Variants in TSGA10IP observed in about 807,000 individuals in gnomAD.
TSGA10IP encodes testis specific 10 interacting protein.
In TSGA10IP, 64 loss-of-function variants were observed where a neutral mutation model predicts 63.2. That is an observed-to-expected ratio of 1.01 (90% confidence interval 0.83 to 1.25). The LOEUF is 1.25. Among genes scored for constraint, TSGA10IP ranks in the 50% most tolerant of loss-of-function variants. TSGA10IP has a pLI of 0.00. For synonymous variants in TSGA10IP, 316 were observed against 298.3 expected (o/e 1.06, Z -0.61); for missense variants, 681 against 710.1 (o/e 0.96, Z 0.47).
intron 5 of TSGA10IP, among the ~76,000 whole-genome samples, chr11:65,957,710 A>G (rs1475950418): frequency 6.6e-6 from 1 of 152,152 alleles, no homozygotes; most frequent in Non-Finnish European, 1.5e-5. Context: ...AGGTCCCAGT[A>G]CAGGTCTTGG....
At chr11:65,948,238 A>C in intron 4 of TSGA10IP, 90 bp downstream of exon 4, 2 of 1,430,350 alleles carry the variant, frequency 1.4e-6, no homozygotes, top group Non-Finnish European at 1.9e-6. Flanking sequence ...TTGAACTCTC[A>C]TTCATTTCTT....
intron 5 of TSGA10IP, among the ~76,000 whole-genome samples, chr11:65,956,135 CTTT>C (rs1357746313): frequency 9.2e-6 from 1 of 109,142 alleles, no homozygotes; most frequent in Non-Finnish European, 2.0e-5. Flanking sequence ...GAGGCTCAGT[CTTT>C]TTTTTTTTTT....
chr11:65,945,677 TGG>T lies in TSGA10IP; in HGVS notation c.5_6del (p.Gly2?). ...GGTGCGGATGGGGGATGGGGCAGGA[TGG>T]GGCAGGACACCGATATGCTAAATAC... On this transcript the variant is annotated frameshift_variant and start_lost, in exon 1 of 8. Coordinates refer to ENST00000532620, the Ensembl canonical transcript of TSGA10IP. LOFTEE classifies it high-confidence loss of function. 2 of 1,612,774 alleles carry T rather than the reference TGG, an allele frequency of 1.2e-6. No individual in the cohort carries two copies. The highest frequency in any genetic ancestry group is 1.7e-6 in the Non-Finnish European group (2 of 1,179,542).
intron 4 of TSGA10IP, among the ~76,000 whole-genome samples, chr11:65,949,605 C>T (rs1037397698): frequency 2.0e-5 from 3 of 151,466 alleles, no homozygotes; most frequent in Admixed American, 6.6e-5. Context: ...TTAGTACAGA[C>T]GGGGTTTTAC....
intron 5 of TSGA10IP, among the ~76,000 whole-genome samples, chr11:65,954,818 C>CAAAA (rs35841625): frequency 2.7e-5 from 2 of 72,876 alleles, no homozygotes; most frequent in Non-Finnish European, 3.2e-5. Context: ...AACTCCATCT[C>CAAAA]AAAAAAAAAA....
chr11:65,958,999 G>T lies in TSGA10IP; in HGVS notation c.1422+17G>T. On this transcript the variant is annotated intron_variant, in intron 6 of 7. Coordinates refer to ENST00000532620, the Ensembl canonical transcript of TSGA10IP. ...GCTATGCAGGTGAGGCTGGCACCTG[G>T]GCAAGCACATAGCTGCCCCCTGTGA... The T allele has an allele frequency of 6.2e-7, 1 of 1,611,768 alleles. No individual in the cohort carries two copies. Among genetic ancestry groups the T allele is most frequent in the Non-Finnish European group, 8.5e-7 (1 of 1,179,130 alleles).
chr11:65,951,932 C>T (rs906582698), intron 4 of TSGA10IP, among the ~76,000 whole-genome samples: 1 of 150,408 alleles, frequency 6.6e-6, no homozygotes, highest in Admixed American at 6.6e-5. Context: ...TCACTGCAAC[C>T]TCCCCCTCCC....
intron 5 of TSGA10IP, among the ~76,000 whole-genome samples, chr11:65,954,933 T>C (rs1178023300): frequency 6.6e-6 from 1 of 152,038 alleles, no homozygotes; most frequent in Non-Finnish European, 1.5e-5. Flanking sequence ...AAAATACTGG[T>C]GAGGTCAGGT....
At chr11:65,959,166 G>A (rs1855075139) in intron 6 of TSGA10IP, 24 bp from the exon 7 acceptor site, 7 of 1,598,044 alleles carry the variant, frequency 4.4e-6, no homozygotes, top group Non-Finnish European at 6.0e-6. Context: ...GTGCAGAGCA[G>A]GAAGCCGTCT....
chr11:65,946,891 G>A (rs1854844690), exon 2 of TSGA10IP: 5 of 1,613,706 alleles, frequency 3.1e-6, no homozygotes, highest in Non-Finnish European at 4.2e-6. Context: ...GCTGCCTGGG[G>A]AGTGGTGATG....
In TSGA10IP at chr11:65,947,996, G is replaced by A. The variant is rs1192505680; in HGVS notation, c.1004-5G>A. The A allele has an allele frequency of 2.6e-6, 4 of 1,557,274 alleles. No homozygotes were observed. The highest frequency in any genetic ancestry group is 3.5e-6 in the Non-Finnish European group (4 of 1,150,356). ...CAGCCCCTGACTTGGTCCCACTGTG[G>A]GCAGGCCCCCAAAAGCTGCCCTGGA... On this transcript the variant is annotated splice_polypyrimidine_tract_variant and splice_region_variant and intron_variant, in intron 3 of 7. Transcript: ENST00000532620.
exon 1 of TSGA10IP, chr11:65,945,736 C>G (rs9795469): frequency 6.2e-7 from 1 of 1,611,474 alleles, no homozygotes; most frequent in African/African-American, 1.4e-5. Context: ...CCCGTCGGTG[C>G]GACCAGGGCA....
chr11:65,949,221 T>G (rs1488592094), intron 4 of TSGA10IP, among the ~76,000 whole-genome samples: 1 of 151,696 alleles, frequency 6.6e-6, no homozygotes, highest in Non-Finnish European at 1.5e-5. Context: ...AAGGAGACAG[T>G]GGGAGCTGAA....
chr11:65,950,609 C>A (rs935880105), intron 4 of TSGA10IP, among the ~76,000 whole-genome samples: 1 of 151,140 alleles, frequency 6.6e-6, no homozygotes, highest in African/African-American at 2.4e-5. Flanking sequence ...GTTGCCCAGG[C>A]TGGAGTGCAG....
At chr11:65,954,327 G>A (rs866328092) in intron 5 of TSGA10IP, among the ~76,000 whole-genome samples, 10 of 138,446 alleles carry the variant, frequency 7.2e-5, no homozygotes, top group East Asian at 4.6e-4. Flanking sequence ...CACCACGCCC[G>A]GCTAATTTTT....
chr11:65,948,950 G>A (rs1480267796), intron 4 of TSGA10IP, among the ~76,000 whole-genome samples: 1 of 151,564 alleles, frequency 6.6e-6, no homozygotes, highest in Non-Finnish European at 1.5e-5. Flanking sequence ...ACTCCAGCCT[G>A]GGTGACAGAG....
intron 5 of TSGA10IP, among the ~76,000 whole-genome samples, chr11:65,955,255 G>C (rs1362564104): frequency 6.6e-6 from 1 of 151,896 alleles, no homozygotes; most frequent in Non-Finnish European, 1.5e-5. Flanking sequence ...GGCTGTGCTA[G>C]GTATGAGGGA....
At chr11:65,947,089 C>G in intron 2 of TSGA10IP, 21 bp from the exon 3 acceptor site, 1 of 1,609,348 alleles carries the variant, frequency 6.2e-7, no homozygotes, top group Non-Finnish European at 8.5e-7. Context: ...CGACCCTGAC[C>G]CCCACCCTTT....
At chr11:65,956,432 C>T (rs538538873) in intron 5 of TSGA10IP, among the ~76,000 whole-genome samples, 34 of 152,156 alleles carry the variant, frequency 2.2e-4, no homozygotes, top group African/African-American at 7.2e-4. Flanking sequence ...CCACCGCGCC[C>T]GGCCGAGGCT....
Sources: allele counts gnomAD v4.1 joint callset (sites outside exome capture counted in the v4.1 genomes callset), GRCh38; gene constraint gnomAD v4.1.1; transcripts MANE v1.5; gene names NCBI Gene and HGNC (gene_info 2026-07-23, HGNC 2026-07-21).